Variants in COPG2 observed in about 807,000 individuals in gnomAD.
COPG2 encodes the protein coat protein complex I subunit gamma 2.
In COPG2, 37 loss-of-function variants were observed where a neutral mutation model predicts 46.3. That is an observed-to-expected ratio of 0.80 (90% confidence interval 0.61 to 1.05). COPG2 has a LOEUF of 1.05. Among genes scored for constraint, COPG2 ranks in the 50% least tolerant of loss-of-function variants. The pLI is 0.00. For missense variants in COPG2, 427 were observed against 387.8 expected, an observed-to-expected ratio of 1.10 and a Z score of -0.85; for synonymous variants, 159 against 129.7, an observed-to-expected ratio of 1.23 and a Z score of -1.53.
intron 20 of COPG2, among the ~76,000 whole-genome samples, chr7:130,545,235 A>G (rs1194548112): frequency 6.6e-6 from 1 of 151,416 alleles, no homozygotes; most frequent in East Asian, 1.9e-4. Context: ...AGATCAAATA[A>G]TTTGTCCACG....
intron 9 of COPG2, among the ~76,000 whole-genome samples, chr7:130,566,893 C>T (rs1793812854): frequency 2.0e-5 from 3 of 152,142 alleles, no homozygotes; most frequent in Admixed American, 1.3e-4. Flanking sequence ...AAGGGGCTTA[C>T]AAAATGGTAC....
At chr7:130,507,910 C>A (rs1350172651) in intron 21 of COPG2, 87 bp from the exon 22 acceptor site, 2 of 707,622 alleles carry the variant, frequency 2.8e-6, no homozygotes, top group East Asian at 4.9e-5. Flanking sequence ...TCCTCCGGAG[C>A]CTAGAGAAAA....
At chr7:130,612,027 C>T (rs967200507) in intron 8 of COPG2, 125 bp downstream of exon 8, 7 of 681,546 alleles carry the variant, frequency 1.0e-5, no homozygotes, top group East Asian at 8.3e-5. Context: ...CTTCAGAATA[C>T]GTACTAGTAG....
chr7:130,531,233 T>C (rs1157477886), intron 20 of COPG2, among the ~76,000 whole-genome samples: 2 of 150,500 alleles, frequency 1.3e-5, no homozygotes, highest in Non-Finnish European at 3.0e-5. Flanking sequence ...GCCCCCAGCA[T>C]TGAGAACACC....
chr7:130,657,597 A>G (rs1795881795), intron 4 of COPG2, among the ~76,000 whole-genome samples: 1 of 152,200 alleles, frequency 6.6e-6, no homozygotes, highest in African/African-American at 2.4e-5. Flanking sequence ...ATAAAAACAT[A>G]AGCCATATAC....
At chr7:130,595,387 G>T (rs782427397) in intron 9 of COPG2, among the ~76,000 whole-genome samples, 1 of 152,172 alleles carries the variant, frequency 6.6e-6, no homozygotes, top group Non-Finnish European at 1.5e-5. Flanking sequence ...CTGTTAATGG[G>T]TTGGGTGCTT....
chr7:130,570,731 C>A (rs1793881433), intron 9 of COPG2, among the ~76,000 whole-genome samples: 2 of 151,974 alleles, frequency 1.3e-5, no homozygotes, highest in Admixed American at 1.3e-4. Context: ...AAAAAAGAGC[C>A]CACATAGCCA....
intron 4 of COPG2, among the ~76,000 whole-genome samples, chr7:130,659,354 C>CAA (rs59413856): frequency 1.5e-4 from 10 of 65,476 alleles, no homozygotes; most frequent in South Asian, 6.8e-4. Flanking sequence ...GACTCCGTCT[C>CAA]AAAAAAAAAA....
chr7:130,575,562 C>G (rs187675984), intron 9 of COPG2, among the ~76,000 whole-genome samples: 71 of 152,244 alleles, frequency 4.7e-4, no homozygotes, highest in Admixed American at 1.5e-3. Context: ...AGCCCTATAT[C>G]CTGAAACAAA....
intron 8 of COPG2, 57 bp downstream of exon 8, chr7:130,612,095 A>G (rs930678903): frequency 2.1e-5 from 26 of 1,247,746 alleles, no homozygotes; most frequent in Non-Finnish European, 2.4e-5. Context: ...TGCCCCTACA[A>G]TACAGGTTTA....
intron 20 of COPG2, among the ~76,000 whole-genome samples, chr7:130,533,763 T>C (rs1312573975): frequency 6.6e-6 from 1 of 151,810 alleles, no homozygotes; most frequent in African/African-American, 2.4e-5. Flanking sequence ...CCTGAGGTGG[T>C]AGGGAACATG....
chr7:130,530,468 G>C, intron 20 of COPG2, among the ~76,000 whole-genome samples: 1 of 152,326 alleles, frequency 6.6e-6, no homozygotes, highest in South Asian at 2.1e-4. Flanking sequence ...TGGAAGATCT[G>C]GAGGAGCAAC....
intron 4 of COPG2, among the ~76,000 whole-genome samples, chr7:130,653,596 A>T (rs1195331556): frequency 6.6e-6 from 1 of 152,132 alleles, no homozygotes; most frequent in Non-Finnish European, 1.5e-5. Flanking sequence ...ACAATGCTCC[A>T]CCTACTCTCC....
chr7:130,662,183 T>C (rs906935349), intron 4 of COPG2, among the ~76,000 whole-genome samples: 1 of 152,160 alleles, frequency 6.6e-6, no homozygotes. Flanking sequence ...TATAATGGCC[T>C]CCCCTGAAAC....
chr7:130,617,419 C>T (rs997781340), intron 5 of COPG2, among the ~76,000 whole-genome samples: 2 of 152,206 alleles, frequency 1.3e-5, no homozygotes, highest in African/African-American at 4.8e-5. Flanking sequence ...TATAAAGCGT[C>T]CTAGTCTGAC....
rs1042418847 is a variant in COPG2 at position 130,574,120 on chromosome 7, C to A, written c.738-9727G>T. ...AGTGCCCATCAACTAATGAAAAAACCAAGTGCCCATCAATTAATGAACAAG... is the reference window on the plus strand; with the variant it reads ...AGTGCCCATCAACTAATGAAAAAACAAAGTGCCCATCAATTAATGAACAAG... On this transcript the variant is annotated intron_variant, in intron 9 of 23. Transcript: ENST00000425248. Among the ~76,000 whole-genome samples the A allele has an allele frequency of 2.0e-5, 3 of 152,078 alleles. No individual in the cohort carries two copies. The East Asian group carries it at 5.8e-4, about 29-fold the overall frequency.
chr7:130,668,337 G>C lies in COPG2; in HGVS notation c.37+295C>G, dbSNP rs1333627976. Among the ~76,000 whole-genome samples, 3 of 150,710 alleles carry C rather than the reference G, an allele frequency of 2.0e-5. No homozygotes were observed. In the East Asian group the frequency reaches 6.0e-4, roughly 30 times the overall value. On this transcript the variant is annotated intron_variant, in intron 1 of 23. Coordinates refer to ENST00000425248, the MANE Select transcript of COPG2 (RefSeq NM_012133.6). ...CGCCCTCGGCCCCCGCCGGAGGCCC[G>C]CGCGCAGGGGAGGAGGCGGCTCGGA...
intron 9 of COPG2, among the ~76,000 whole-genome samples, chr7:130,604,447 A>C (rs1794693182): frequency 6.6e-6 from 1 of 152,230 alleles, no homozygotes; most frequent in African/African-American, 2.4e-5. Context: ...TTTCAATATA[A>C]TTATAAATTG....
intron 5 of COPG2, among the ~76,000 whole-genome samples, chr7:130,648,799 C>T (rs1192410560): frequency 6.6e-6 from 1 of 152,196 alleles, no homozygotes; most frequent in Non-Finnish European, 1.5e-5. Flanking sequence ...CTTCCTTTTT[C>T]ATAAAGGGTA....
Sources: allele counts gnomAD v4.1 joint callset (sites outside exome capture counted in the v4.1 genomes callset), GRCh38; gene constraint gnomAD v4.1.1; transcripts MANE v1.5; gene names NCBI Gene and HGNC (gene_info 2026-07-23, HGNC 2026-07-21).